CCDC7: variants seen among roughly 807,000 people sequenced by gnomAD.
The protein encoded by CCDC7 is coiled-coil domain-containing protein 7.
In CCDC7, 183 loss-of-function variants were observed where a neutral mutation model predicts 196.9. The ratio of observed to expected loss-of-function variants is 0.93; its 90% CI spans 0.82 to 1.05. The LOEUF is 1.05. Ranked by LOEUF, CCDC7 falls within the 50% of genes least tolerant of loss-of-function variation. The pLI is 0.00. For missense variants in CCDC7, 1,540 were observed against 1,482.2 expected (o/e 1.04, Z -0.64); for synonymous variants, 525 against 484.6 (o/e 1.08, Z -1.10).
chr10:32,872,501 G>C (rs1381483212), intron 41 of CCDC7, among the ~76,000 whole-genome samples: 2 of 152,040 alleles, frequency 1.3e-5, no homozygotes, highest in Non-Finnish European at 2.9e-5. Flanking sequence ...CAATTTGCCA[G>C]TCTGTGTCTT....
chr10:32,681,705 C>T (rs1278430913), intron 21 of CCDC7, among the ~76,000 whole-genome samples: 1 of 148,812 alleles, frequency 6.7e-6, no homozygotes, highest in Non-Finnish European at 1.5e-5. Flanking sequence ...CAGGGTTGGC[C>T]TGAAGTTGGA....
At chr10:32,486,873 A>G (rs2041207065) in intron 8 of CCDC7, among the ~76,000 whole-genome samples, 1 of 151,830 alleles carries the variant, frequency 6.6e-6, no homozygotes, top group Non-Finnish European at 1.5e-5. Flanking sequence ...TGTTAGTCTG[A>G]TGGGCTTCCC....
exon 21 of CCDC7, chr10:32,664,106 A>C (rs1383561369): frequency 5.0e-6 from 2 of 396,646 alleles, no homozygotes; most frequent in Admixed American, 8.8e-5. Flanking sequence ...ACACAAAGTC[A>C]AAAACGGAAG....
intron 33 of CCDC7, among the ~76,000 whole-genome samples, chr10:32,836,812 A>C (rs2092639838): frequency 6.6e-6 from 1 of 152,130 alleles, no homozygotes; most frequent in Non-Finnish European, 1.5e-5. Flanking sequence ...ACTACAAAGC[A>C]GTTATTATAA....
intron 18 of CCDC7, among the ~76,000 whole-genome samples, chr10:32,607,473 T>C (rs2061666653): frequency 6.6e-6 from 1 of 152,198 alleles, no homozygotes. Flanking sequence ...GTTTGTCATA[T>C]GTAGCATTTA....
chr10:32,672,247 A>G (rs754362835), intron 21 of CCDC7, among the ~76,000 whole-genome samples: 2 of 152,178 alleles, frequency 1.3e-5, no homozygotes, highest in Non-Finnish European at 2.9e-5. Context: ...GAATGAGAAT[A>G]TTGATATCCA....
intron 17 of CCDC7, among the ~76,000 whole-genome samples, chr10:32,583,961 A>G (rs1452421921): frequency 6.6e-6 from 1 of 152,140 alleles, no homozygotes; most frequent in Non-Finnish European, 1.5e-5. Context: ...CTATTTGCTT[A>G]GAACTATTTG....
At chr10:32,661,706 A>T (rs906983274) in intron 20 of CCDC7, among the ~76,000 whole-genome samples, 1 of 152,142 alleles carries the variant, frequency 6.6e-6, no homozygotes. Flanking sequence ...AGGCCTCAAA[A>T]TTCTGCCCAG....
At chr10:32,818,594 C>T (rs1481354887) in intron 31 of CCDC7, among the ~76,000 whole-genome samples, 2 of 152,164 alleles carry the variant, frequency 1.3e-5, no homozygotes, top group East Asian at 3.9e-4. Context: ...GGAAGTAAAG[C>T]ACTCCTCAGC....
At chr10:32,585,424 G>A (rs918581725) in intron 18 of CCDC7, among the ~76,000 whole-genome samples, 1 of 152,054 alleles carries the variant, frequency 6.6e-6, no homozygotes. Flanking sequence ...TGTGCAGAAC[G>A]TGCAGGTTTG....
At chr10:32,455,305 ATTTAT>A (rs1449999421) in intron 2 of CCDC7, among the ~76,000 whole-genome samples, 2 of 74,390 alleles carry the variant, frequency 2.7e-5, no homozygotes, top group Non-Finnish European at 6.7e-5. Context: ...TTATTTATTT[ATTTAT>A]TTTATTTTAT....
At chr10:32,856,458 C>T (rs12777235) in intron 41 of CCDC7, among the ~76,000 whole-genome samples, 21,091 of 152,200 alleles carry the variant, frequency 0.14, 1,769 homozygotes, top group East Asian at 0.25. Context: ...GGACTGAACA[C>T]GCACAGCACC....
intron 18 of CCDC7, among the ~76,000 whole-genome samples, chr10:32,605,963 C>A (rs1423085999): frequency 6.6e-6 from 1 of 152,174 alleles, no homozygotes; most frequent in Non-Finnish European, 1.5e-5. Context: ...GGGGAAAAGG[C>A]CTCGAAGTCA....
intron 8 of CCDC7, 162 bp downstream of exon 9, chr10:32,474,185 G>A (rs2002079): frequency 0.29 from 88,737 of 301,692 alleles, 12,716 homozygotes; most frequent in East Asian, 0.49. Context: ...TCTTAGTTAA[G>A]GATACGTGTT....
At chr10:32,726,943 G>C in intron 26 of CCDC7, 111 bp downstream of exon 27, 1 of 656,668 alleles carries the variant, frequency 1.5e-6, no homozygotes, top group Non-Finnish European at 2.4e-6. Context: ...TATGGAAATC[G>C]TAGACTTTGC....
intron 28 of CCDC7, among the ~76,000 whole-genome samples, chr10:32,761,133 C>T (rs1004179014): frequency 6.6e-6 from 1 of 151,968 alleles, no homozygotes; most frequent in Non-Finnish European, 1.5e-5. Flanking sequence ...CTAGACAAAA[C>T]AGACTTTAAA....
At chr10:32,827,452 A>G (rs1246902160) in intron 32 of CCDC7, among the ~76,000 whole-genome samples, 2 of 152,170 alleles carry the variant, frequency 1.3e-5, no homozygotes, top group African/African-American at 2.4e-5. Context: ...CTTGCATGCA[A>G]TGCTTCTGCC....
chr10:32,517,633 G>T (rs183162191), intron 9 of CCDC7, among the ~76,000 whole-genome samples: 56 of 102,780 alleles, frequency 5.4e-4, no homozygotes, highest in Admixed American at 3.5e-3. Context: ...TGGGGGGAGG[G>T]GGGAGGGATA....
intron 2 of CCDC7, among the ~76,000 whole-genome samples, chr10:32,456,006 G>A (rs1277848352): frequency 2.0e-5 from 3 of 152,068 alleles, no homozygotes; most frequent in Admixed American, 2.0e-4. Context: ...AGATGAATGA[G>A]AGGAGAGACA....
Sources: allele counts gnomAD v4.1 joint callset (sites outside exome capture counted in the v4.1 genomes callset), GRCh38; gene constraint gnomAD v4.1.1; transcripts MANE v1.5; gene names NCBI Gene and HGNC (gene_info 2026-07-23, HGNC 2026-07-21).